Variants in GRID2 observed in about 807,000 individuals in gnomAD.
GRID2 encodes glutamate ionotropic receptor delta type subunit 2, also known as glutamate receptor ionotropic, delta-2.
Under a neutral mutation model 114.8 loss-of-function variants are expected in GRID2, and 33 were observed. The observed-to-expected ratio is 0.29, with a 90% confidence interval of 0.22 to 0.38. The LOEUF is 0.38. Among genes scored for constraint, GRID2 ranks in the 10% least tolerant of loss-of-function variants. The pLI, the probability that GRID2 is intolerant of heterozygous loss-of-function variation, is 1.00. For missense variants in GRID2, 1,184 were observed against 1,257.7 expected, an observed-to-expected ratio of 0.94 and a Z score of 0.89; for synonymous variants, 505 against 449.9, an observed-to-expected ratio of 1.12 and a Z score of -1.55.
intron 2 of GRID2, among the ~76,000 whole-genome samples, chr4:92,843,377 CT>C (rs1306485949): frequency 6.6e-6 from 1 of 152,062 alleles, no homozygotes; most frequent in Non-Finnish European, 1.5e-5. Context: ...TCAAGAACTC[CT>C]TTCACTTAGA....
intron 2 of GRID2, among the ~76,000 whole-genome samples, chr4:92,916,410 A>T (rs1748796815): frequency 6.6e-6 from 1 of 151,960 alleles, no homozygotes; most frequent in South Asian, 2.1e-4. Flanking sequence ...TGCACAACTT[A>T]AAGGTTAGTT....
At chr4:92,350,577 T>C (rs915223282) in intron 1 of GRID2, among the ~76,000 whole-genome samples, 2 of 151,868 alleles carry the variant, frequency 1.3e-5, no homozygotes, top group African/African-American at 4.8e-5. Flanking sequence ...ACTTTTTATT[T>C]GTTTGTTGAC....
At chr4:92,531,155 G>A (rs1383406856) in intron 1 of GRID2, among the ~76,000 whole-genome samples, 6 of 152,032 alleles carry the variant, frequency 3.9e-5, no homozygotes, top group Non-Finnish European at 5.9e-5. Context: ...GGAAATATTT[G>A]CTAATCACTG....
At chr4:93,673,977 C>CTT (rs146777476) in intron 14 of GRID2, among the ~76,000 whole-genome samples, 1 of 151,058 alleles carries the variant, frequency 6.6e-6, no homozygotes, top group African/African-American at 2.4e-5. Flanking sequence ...TTCAACCCTG[C>CTT]TTTTTTTTTC....
intron 2 of GRID2, among the ~76,000 whole-genome samples, chr4:92,982,894 T>C (rs1339050689): frequency 6.6e-6 from 1 of 152,132 alleles, no homozygotes; most frequent in African/African-American, 2.4e-5. Context: ...CATTAACCTT[T>C]AGAGGATACA....
intron 2 of GRID2, among the ~76,000 whole-genome samples, chr4:92,711,988 A>G (rs954481833): frequency 3.3e-5 from 5 of 152,228 alleles, no homozygotes; most frequent in Admixed American, 3.3e-4. Context: ...CAACTGATTC[A>G]TAGTCCATCT....
At chr4:92,812,135 A>T (rs1292892675) in intron 2 of GRID2, among the ~76,000 whole-genome samples, 1 of 152,182 alleles carries the variant, frequency 6.6e-6, no homozygotes, top group Non-Finnish European at 1.5e-5. Context: ...GCAATAGCTT[A>T]TTAGGAACTC....
chr4:92,576,308 C>T (rs1464304522), intron 1 of GRID2, among the ~76,000 whole-genome samples: 1 of 152,192 alleles, frequency 6.6e-6, no homozygotes, highest in Admixed American at 6.5e-5. Flanking sequence ...CTCTCCAAAA[C>T]CCACAAGCTG....
chr4:93,770,447 T>C (rs1434811215), intron 15 of GRID2, among the ~76,000 whole-genome samples: 1 of 152,242 alleles, frequency 6.6e-6, no homozygotes, highest in Non-Finnish European at 1.5e-5. Flanking sequence ...TGCACATTAA[T>C]GTGTTTTTTT....
At chr4:92,762,920 G>A (rs1226863059) in intron 2 of GRID2, among the ~76,000 whole-genome samples, 1 of 152,020 alleles carries the variant, frequency 6.6e-6, no homozygotes, top group East Asian at 1.9e-4. Flanking sequence ...TGTTTTCCAT[G>A]TCTTCTTCAG....
In GRID2 at chr4:92,338,759, T is replaced by C. The variant is rs759670866; in HGVS notation, c.88+34015T>C. Among the ~76,000 whole-genome samples the C allele has an allele frequency of 1.1e-4, 16 of 152,106 alleles. 1 individual carries two copies. Among genetic ancestry groups the C allele is most frequent in the Non-Finnish European group, 2.4e-4 (16 of 67,970 alleles). ...GCAAAATAGTGTAAAGAAAAGCATA[T>C]TTTGTGTACACGTAGAAAATCTTGT... On this transcript the variant is annotated intron_variant, in intron 1 of 15. Transcript: ENST00000282020.
chr4:93,742,796 C>T (rs1366438630), intron 14 of GRID2, among the ~76,000 whole-genome samples: 2 of 152,112 alleles, frequency 1.3e-5, no homozygotes, highest in Non-Finnish European at 2.9e-5. Flanking sequence ...TCCTCTGGCC[C>T]TCCTGTTTGC....
At chr4:92,622,658 G>T (rs1432424538) in intron 2 of GRID2, among the ~76,000 whole-genome samples, 5 of 151,798 alleles carry the variant, frequency 3.3e-5, no homozygotes, top group African/African-American at 1.2e-4. Flanking sequence ...CATTGATAGA[G>T]TGTATTATTT....
chr4:93,549,229 T>G (rs1395221463), intron 13 of GRID2, among the ~76,000 whole-genome samples: 1 of 151,938 alleles, frequency 6.6e-6, no homozygotes, highest in East Asian at 1.9e-4. Flanking sequence ...AATGAAAGAG[T>G]CAAAAACTCA....
intron 14 of GRID2, among the ~76,000 whole-genome samples, chr4:93,756,045 C>T (rs1434972795): frequency 9.9e-5 from 15 of 152,020 alleles, no homozygotes; most frequent in Non-Finnish European, 2.2e-4. Flanking sequence ...AAGTGAAACA[C>T]CATAATGACA....
intron 2 of GRID2, among the ~76,000 whole-genome samples, chr4:92,751,933 T>G (rs1250485648): frequency 1.7e-4 from 26 of 152,048 alleles, no homozygotes; most frequent in Non-Finnish European, 1.5e-5. Context: ...CTAGACAGTT[T>G]GGATGATGGC....
At chr4:93,457,211 G>A (rs905054251) in intron 11 of GRID2, among the ~76,000 whole-genome samples, 8 of 152,148 alleles carry the variant, frequency 5.3e-5, no homozygotes, top group African/African-American at 1.9e-4. Flanking sequence ...GATCATAGGT[G>A]TAGAAGCACT....
At chr4:92,719,488 A>G (rs1485416999) in intron 2 of GRID2, among the ~76,000 whole-genome samples, 2 of 152,310 alleles carry the variant, frequency 1.3e-5, no homozygotes, top group South Asian at 2.1e-4. Context: ...TTGAAGGTAC[A>G]TTATGTTTAG....
rs918530814 is a variant in GRID2, at chr4:93,629,270, A to G, written c.2360+2835A>G. Among the ~76,000 whole-genome samples, 30 of 152,178 alleles carry G rather than the reference A, an allele frequency of 2.0e-4. 1 individual carries two copies. The highest frequency in any genetic ancestry group is 6.8e-4 in the African/African-American group (28 of 41,452). ...AAGCATTATTTTTCCTTTGTTTGAT[A>G]TGCAGTACAGATGTTGGCAGTTTAA... On this transcript the variant is annotated intron_variant, in intron 14 of 15. Transcript: ENST00000282020.
Sources: gnomAD v4.1 joint callset for allele counts (sites outside exome capture counted in the v4.1 genomes callset) on GRCh38, gnomAD v4.1.1 for gene constraint, MANE v1.5 for transcripts, NCBI Gene and HGNC (gene_info 2026-07-23, HGNC 2026-07-21) for gene names.